Variants in FOCAD observed in about 807,000 individuals in gnomAD.
FOCAD encodes KIAA1797.
A neutral mutation model predicts 225.6 loss-of-function variants in FOCAD; 198 were observed. That is an observed-to-expected ratio of 0.88 (90% CI 0.78 to 0.99). The LOEUF is 0.99. Among genes scored for constraint, FOCAD ranks in the 50% least tolerant of loss-of-function variants. The probability of loss-of-function intolerance (pLI) is 0.00; values close to 1 mark genes in which losing one functional copy is unlikely to be tolerated. For missense variants in FOCAD, 2,713 were observed against 2,123.6 expected (o/e 1.28, Z -5.46); for synonymous variants, 897 against 755.0 (o/e 1.19, Z -3.08).
intron 11 of FOCAD, among the ~76,000 whole-genome samples, chr9:20,812,729 C>T (rs1234599888): frequency 6.6e-6 from 1 of 152,048 alleles, no homozygotes; most frequent in Non-Finnish European, 1.5e-5. Flanking sequence ...GACATAAACT[C>T]CTATCCACAT....
Position 20,912,682 on chromosome 9 carries a change from G to T in FOCAD, c.2719-184G>T, listed in dbSNP as rs373469247. ...TTCTCTAGGATGTTACCTCTTTGGTGAATGTAGAAATACCTGAGCATTGAT... is the reference window on the plus strand; with the variant it reads ...TTCTCTAGGATGTTACCTCTTTGGTTAATGTAGAAATACCTGAGCATTGAT... On this transcript the variant is annotated intron_variant, in intron 22 of 43. Transcript: ENST00000338382. 4.6e-5 allele frequency among the ~76,000 whole-genome samples: 7 copies of T among 152,216 alleles called. No homozygotes were observed. In the South Asian group the frequency reaches 8.3e-4, roughly 18 times the overall value.
At chr9:20,874,990 C>A (rs775242638) in intron 19 of FOCAD, 183 bp downstream of exon 19, 10 of 683,522 alleles carry the variant, frequency 1.5e-5, no homozygotes, top group African/African-American at 3.7e-5. Flanking sequence ...TTAAATCATA[C>A]GAAAAAACGT....
intron 39 of FOCAD, among the ~76,000 whole-genome samples, chr9:20,985,998 T>A (rs1220552824): frequency 1.3e-5 from 2 of 152,170 alleles, no homozygotes. Context: ...AGTACTGTAT[T>A]TGTTAGTCAT....
At chr9:20,734,938 A>AT (rs1308284528) in intron 4 of FOCAD, among the ~76,000 whole-genome samples, 1 of 152,108 alleles carries the variant, frequency 6.6e-6, no homozygotes, top group Non-Finnish European at 1.5e-5. Context: ...TTGAGTATAG[A>AT]TAAGGGTATG....
At chr9:20,982,305 G>T in intron 38 of FOCAD, 52 bp from the exon 39 acceptor site, 7 of 1,249,882 alleles carry the variant, frequency 5.6e-6, no homozygotes, top group South Asian at 3.8e-5. Context: ...AGAACATTTT[G>T]ACCTGTTATT....
intron 10 of FOCAD, among the ~76,000 whole-genome samples, chr9:20,782,881 A>G (rs955155124): frequency 6.6e-6 from 1 of 152,240 alleles, no homozygotes; most frequent in Non-Finnish European, 1.5e-5. Context: ...GGCAAATTGA[A>G]TGTATACTAC....
At chr9:20,670,463 G>C (rs989310270) in intron 2 of FOCAD, among the ~76,000 whole-genome samples, 1 of 152,166 alleles carries the variant, frequency 6.6e-6, no homozygotes, top group Non-Finnish European at 1.5e-5. Context: ...CATAGTAGAA[G>C]GTGAAGGGGA....
At chr9:20,934,774 G>A (rs1835799364) in intron 28 of FOCAD, among the ~76,000 whole-genome samples, 1 of 151,924 alleles carries the variant, frequency 6.6e-6, no homozygotes, top group African/African-American at 2.4e-5. Flanking sequence ...AAAGTTTCTG[G>A]ACACAAAATT....
chr9:20,683,819 A>C (rs886313558), upstream of FOCAD: 1 of 152,144 alleles, frequency 6.6e-6, no homozygotes, highest in Non-Finnish European at 1.5e-5. Context: ...AATTTTCTGA[A>C]TCCTTAATGT....
intron 11 of FOCAD, among the ~76,000 whole-genome samples, chr9:20,817,059 G>A (rs1397563101): frequency 1.3e-5 from 2 of 152,114 alleles, no homozygotes; most frequent in African/African-American, 4.8e-5. Context: ...TAGATACTGA[G>A]GAATGACTGC....
chr9:20,807,058 A>G (rs1822536510), intron 11 of FOCAD, among the ~76,000 whole-genome samples: 1 of 152,226 alleles, frequency 6.6e-6, no homozygotes. Context: ...AAAACAACCC[A>G]CCTCATTAAA....
At position 20,907,264 on chromosome 9, in the gene FOCAD, T is replaced by A. The variant is rs771175718; in HGVS notation, c.2718+22T>A. 6.9e-6 allele frequency: 11 copies of A among 1,598,040 alleles called. No homozygotes were observed. In the South Asian group the frequency reaches 1.1e-4, roughly 16 times the overall value. On this transcript the variant is annotated intron_variant, in intron 22 of 43. Coordinates refer to ENST00000338382, the MANE Select transcript of FOCAD (RefSeq NM_001375567.1). ...ACAGGTAATGAAACCACAGGATAGG[T>A]TTGCTTTGGCGAAATGTCTCCTTAT...
At chr9:20,820,619 A>T (rs1824219685) in intron 13 of FOCAD, among the ~76,000 whole-genome samples, 194 bp downstream of exon 13, 1 of 152,172 alleles carries the variant, frequency 6.6e-6, no homozygotes. Context: ...TTGAGAATAT[A>T]AAATCTCATT....
At chr9:20,695,134 A>G (rs1823255003) in intron 1 of FOCAD, among the ~76,000 whole-genome samples, 1 of 152,150 alleles carries the variant, frequency 6.6e-6, no homozygotes, top group African/African-American at 2.4e-5. Flanking sequence ...TTGTTCCTGT[A>G]TCTCATATAT....
rs1822037334 is a variant in FOCAD at position 20,670,661 on chromosome 9, A to G, written c.-78+11835A>G. ...CCTTGACAGACACGTGAGGATGACC[A>G]TTTGAGATGAGCTTTGGGGTGGGGT... On this transcript the variant is annotated intron_variant, in intron 2 of 45. Transcript: ENST00000380249. Among the ~76,000 whole-genome samples the G allele has an allele frequency of 2.0e-5, 3 of 152,166 alleles. No homozygotes were observed. In the South Asian group the frequency reaches 6.2e-4, roughly 32 times the overall value.
chr9:20,829,636 C>G (rs984080694), intron 15 of FOCAD, among the ~76,000 whole-genome samples: 1 of 151,986 alleles, frequency 6.6e-6, no homozygotes, highest in Non-Finnish European at 1.5e-5. Context: ...GAATTCTGTC[C>G]TGATGCCTCT....
intron 1 of FOCAD, among the ~76,000 whole-genome samples, chr9:20,704,389 G>T (rs1217117120): frequency 1.3e-5 from 2 of 152,122 alleles, no homozygotes; most frequent in African/African-American, 4.8e-5. Context: ...CATTCTACAT[G>T]AATTTAGTAA....
chr9:20,931,234 C>T (rs1835438063), intron 27 of FOCAD, among the ~76,000 whole-genome samples: 1 of 152,196 alleles, frequency 6.6e-6, no homozygotes, highest in Non-Finnish European at 1.5e-5. Context: ...CTTGAATTCA[C>T]ACCTGAAGGA....
At chr9:20,968,428 A>AT (rs1839457556) in intron 35 of FOCAD, among the ~76,000 whole-genome samples, 1 of 34,776 alleles carries the variant, frequency 2.9e-5, no homozygotes, top group Non-Finnish European at 6.3e-5. Context: ...GTATTTTCTT[A>AT]TTCTTTTTTT....
Sources: allele counts gnomAD v4.1 joint callset (sites outside exome capture counted in the v4.1 genomes callset), GRCh38; gene constraint gnomAD v4.1.1; transcripts MANE v1.5; gene names NCBI Gene and HGNC (gene_info 2026-07-23, HGNC 2026-07-21).